Variants in OCRL observed in about 807,000 individuals in gnomAD.
OCRL encodes the protein inositol polyphosphate 5-phosphatase OCRL.
In OCRL, 8 loss-of-function variants were observed where a neutral mutation model predicts 78.9. The ratio of observed to expected loss-of-function variants is 0.10; its 90% CI spans 0.06 to 0.18. The LOEUF (loss-of-function observed/expected upper bound fraction) is 0.18. Ranked by LOEUF, OCRL falls within the 10% of genes least tolerant of loss-of-function variation. OCRL has a pLI of 1.00. For synonymous variants in OCRL, 240 were observed against 235.4 expected, an observed-to-expected ratio of 1.02 and a Z score of -0.18; for missense variants, 454 against 696.7, an observed-to-expected ratio of 0.65 and a Z score of 3.92.
chrX:129,548,113 CAG>C (rs1176022311), intron 3 of OCRL, among the ~76,000 whole-genome samples: 1 of 111,875 alleles, frequency 8.9e-6, no homozygotes. Flanking sequence ...GGGAAATTTT[CAG>C]AGAATAGATC....
chrX:129,578,964 G>C (rs979680197), intron 18 of OCRL, among the ~76,000 whole-genome samples: 18 of 111,426 alleles, frequency 1.6e-4, no homozygotes, highest in Non-Finnish European at 2.6e-4. Context: ...TCATTGATGA[G>C]GAAATTATCT....
chrX:129,575,159 G>C lies in OCRL; in HGVS notation c.1622G>C (p.Arg541Pro), dbSNP rs769140259. 8.3e-7 allele frequency: 1 copy of C among 1,202,652 alleles called. No individual in the cohort carries two copies. Among genetic ancestry groups the C allele is most frequent in the African/African-American group, 1.8e-5 (1 of 57,108 alleles). Residue 541 changes from arginine (R) to proline (P), a missense_variant, in exon 16 of 24, where the codon CGA (arginine) becomes CCA (proline). This residue lies in a region of OCRL where 277 missense variants were observed against 517.1 expected (regional missense o/e 0.54). Coordinates refer to ENST00000371113, the MANE Select transcript of OCRL (RefSeq NM_000276.4). ...FHIGVKVVDE[R>P]RYRKVFEDSV... ...TTTCAGGTGAAGGTTGTGGATGAAC[G>C]AAGGTACCGGAAAGTCTTTGAAGAT...
chrX:129,551,828 C>A (rs1935964052), intron 4 of OCRL, among the ~76,000 whole-genome samples: 1 of 112,070 alleles, frequency 8.9e-6, no homozygotes, highest in African/African-American at 3.2e-5. Context: ...GGGAAGACCT[C>A]TTTGAAGAAT....
intron 15 of OCRL, among the ~76,000 whole-genome samples, chrX:129,570,119 T>C (rs951679704): frequency 8.9e-6 from 1 of 112,007 alleles, no homozygotes; most frequent in Non-Finnish European, 1.9e-5. Context: ...AAACTGTGTG[T>C]TATTGGTATG....
At position 129,558,871 on chromosome X, in the gene OCRL, G is replaced by A; in HGVS notation, c.592G>A (p.Glu198Lys). 7 of 1,211,631 alleles carry A rather than the reference G, an allele frequency of 5.8e-6. No individual in the cohort carries two copies. The highest frequency in any genetic ancestry group is 7.8e-6 in the Non-Finnish European group (7 of 895,405). Residue 198 changes from glutamate to lysine, a missense_variant, in exon 8 of 24, where the codon GAG (glutamate) becomes AAG (lysine). This residue lies in a region of OCRL where 177 missense variants were observed against 179.6 expected (regional missense o/e 0.99). Transcript: ENST00000371113. Reference protein sequence around the residue: ...LPREKEASNKEQPKVTNTMRK... With the variant: ...LPREKEASNKKQPKVTNTMRK... ...ACGTGAAAAAGAAGCTTCTAACAAGGAGCAGCCCAAAGTGACCAACACCAT... is the reference window on the plus strand; with the variant it reads ...ACGTGAAAAAGAAGCTTCTAACAAGAAGCAGCCCAAAGTGACCAACACCAT...
At position 129,592,248 on chromosome X, in the gene OCRL, C is replaced by T. The variant is rs1936598908; in HGVS notation, c.*1978C>T. 1.8e-5 allele frequency: 2 copies of T among 113,639 alleles called. No homozygotes were observed. The allele number at this position is 113,639 out of a possible 1,213,427, so 9.4% of individuals were successfully genotyped here. ...TTCCCTACCATGGCTATTCCAGCACCCCAACCTGTAATTGCCAAGTCCTCT... is the reference window on the plus strand; with the variant it reads ...TTCCCTACCATGGCTATTCCAGCACTCCAACCTGTAATTGCCAAGTCCTCT... On this transcript the variant is annotated 3_prime_UTR_variant, in exon 24 of 24. Transcript: ENST00000371113.
At chrX:129,574,074 A>G (rs967975173) in intron 15 of OCRL, among the ~76,000 whole-genome samples, 7 of 111,586 alleles carry the variant, frequency 6.3e-5, no homozygotes, top group African/African-American at 2.3e-4. Context: ...GCTGGGTCAA[A>G]TGGTATTTCT....
rs1936102702 is a variant in OCRL at position 129,558,893 on chromosome X, C to T, written c.614C>T (p.Thr205Ile). Residue 205 changes from threonine to isoleucine, a missense_variant, in exon 8 of 24, where the codon ACC becomes ATC. Thr to Ile is a moderately conservative substitution (Grantham distance 89). Transcript: ENST00000371113. ...AAGGAGCAGCCCAAAGTGACCAACA[C>T]CATGCGGAAGCTCTTTGTACCAAAT... Reference protein sequence around the residue: ...SNKEQPKVTNTMRKLFVPNTQ... With the variant: ...SNKEQPKVTNIMRKLFVPNTQ... 8.3e-7 allele frequency: 1 copy of T among 1,211,648 alleles called. No individual in the cohort carries two copies. The highest frequency in any genetic ancestry group is 1.1e-6 in the Non-Finnish European group (1 of 895,184).
Position 129,540,832 on chromosome X carries a change from C to G in OCRL, c.119+9C>G. On this transcript the variant is annotated intron_variant, in intron 2 of 23. Transcript: ENST00000371113. Reference sequence around the variant, plus strand: ...AGGAACGGGCAATATGAGTAAGTAACCACCTGATTCCCACAGAGGAGGGGA... The same window carrying G: ...AGGAACGGGCAATATGAGTAAGTAAGCACCTGATTCCCACAGAGGAGGGGA... 1 of 1,186,354 alleles carries G rather than the reference C, an allele frequency of 8.4e-7. No homozygotes were observed. The highest frequency in any genetic ancestry group is 3.0e-5 in the East Asian group (1 of 33,741).
chrX:129,563,523 A>G (rs1216656970), intron 12 of OCRL, among the ~76,000 whole-genome samples: 1 of 111,869 alleles, frequency 8.9e-6, no homozygotes, highest in African/African-American at 3.3e-5. Flanking sequence ...ATATACAAAC[A>G]CACACATAGG....
At chrX:129,562,882 T>A in intron 12 of OCRL, 96 bp downstream of exon 12, 1 of 848,094 alleles carries the variant, frequency 1.2e-6, no homozygotes, top group Non-Finnish European at 1.7e-6. Flanking sequence ...CTGTGAAGAG[T>A]GAAAGATTAC....
chrX:129,553,860 C>T (rs1295319314), intron 4 of OCRL, among the ~76,000 whole-genome samples: 1 of 110,650 alleles, frequency 9.0e-6, no homozygotes. Context: ...ATAGAGGACC[C>T]GGTTGAGATT....
At chrX:129,585,068 G>C (rs377107560) in intron 19 of OCRL, among the ~76,000 whole-genome samples, 1 of 112,325 alleles carries the variant, frequency 8.9e-6, no homozygotes, top group Admixed American at 9.4e-5. Context: ...CTTATCAGGC[G>C]CTGAATGTGT....
chrX:129,579,672 A>G (rs1238222394), intron 18 of OCRL, among the ~76,000 whole-genome samples: 3 of 112,147 alleles, frequency 2.7e-5, no homozygotes, highest in Non-Finnish European at 5.6e-5. Flanking sequence ...ACCATTTGTA[A>G]TCATCTTTAT....
intron 18 of OCRL, among the ~76,000 whole-genome samples, chrX:129,579,072 C>A (rs1468458067): frequency 9.0e-6 from 1 of 111,348 alleles, no homozygotes; most frequent in Non-Finnish European, 1.9e-5. Flanking sequence ...TATATACTTA[C>A]CAGTTCAGCT....
intron 17 of OCRL, 39 bp from the exon 18 acceptor site, chrX:129,576,278 A>T: frequency 8.9e-7 from 1 of 1,127,261 alleles, no homozygotes; most frequent in Non-Finnish European, 1.2e-6. Context: ...TTCCCACTGG[A>T]GGTTTTCCTA....
rs1935918165 is a variant in OCRL at position 129,548,437 on chromosome X, A to C, written c.200-126A>C. 3 of 553,261 alleles carry C rather than the reference A, an allele frequency of 5.4e-6. No homozygotes were observed. In the Admixed American group the frequency reaches 8.5e-5, roughly 16 times the overall value. 45.6% of individuals were successfully genotyped at this position (553,261 alleles called of 1,213,427 possible). A position where few individuals can be genotyped will look rare whatever the true frequency, so the allele number is the denominator to read the frequency against. On this transcript the variant is annotated intron_variant, in intron 3 of 23. Coordinates refer to ENST00000371113, the MANE Select transcript of OCRL (RefSeq NM_000276.4). ...ATATTAAACGAAAAGGGATTTAAAA[A>C]AATATGTTCTAAGACCTAGGAGTAG...
rs1419855372 is a variant in OCRL, at chrX:129,591,847, C to G, written c.*1577C>G. On this transcript the variant is annotated 3_prime_UTR_variant, in exon 24 of 24. Coordinates refer to ENST00000371113, the MANE Select transcript of OCRL (RefSeq NM_000276.4). ...ATCTGGAGGTATGATAGGTCAGGGG[C>G]TAGGTGTTGAACTTAGTTAATGGAA... is the stretch of plus-strand genomic sequence containing the variant. The G allele has an allele frequency of 8.9e-6, 1 of 112,923 alleles. No homozygotes were observed. Among genetic ancestry groups the G allele is most frequent in the African/African-American group, 3.3e-5 (1 of 30,558 alleles). The allele number at this position is 112,923 out of a possible 1,213,427, so 9.3% of individuals were successfully genotyped here.
chrX:129,588,826 G>T (rs1431322631), intron 21 of OCRL, 60 bp from the exon 22 acceptor site: 3 of 1,195,830 alleles, frequency 2.5e-6, no homozygotes, highest in South Asian at 3.5e-5. Context: ...AAAGGAGCTC[G>T]TCGGGGCTCT....
Sources: allele counts gnomAD v4.1 joint callset (sites outside exome capture counted in the v4.1 genomes callset), GRCh38; gene constraint gnomAD v4.1.1; regional missense constraint gnomAD v4.1.1; transcripts MANE v1.5; gene names NCBI Gene and HGNC (gene_info 2026-07-23, HGNC 2026-07-21).